The following ATG13 variants were observed in gnomAD, a reference collection of about 807,000 sequenced individuals.
ATG13 encodes the protein autophagy-related protein 13.
Under a neutral mutation model 65.5 loss-of-function variants are expected in ATG13, and 23 were observed. The observed-to-expected ratio is 0.35, with a 90% CI of 0.25 to 0.50. The LOEUF is 0.50. Among genes scored for constraint, ATG13 ranks in the 20% least tolerant of loss-of-function variants. ATG13 has a pLI of 0.98. For missense variants in ATG13, 566 were observed against 677.0 expected, an observed-to-expected ratio of 0.84 and a Z score of 1.82; for synonymous variants, 252 against 245.2, an observed-to-expected ratio of 1.03 and a Z score of -0.26.
chr11:46,623,958 A>G (rs375549543), intron 1 of ATG13, among the ~76,000 whole-genome samples: 9 of 147,882 alleles, frequency 6.1e-5, no homozygotes, highest in African/African-American at 2.2e-4. Flanking sequence ...GATGTTACTT[A>G]TATCTCATGA....
At chr11:46,653,260 C>A (rs2136541408) in intron 7 of ATG13, among the ~76,000 whole-genome samples, 1 of 151,134 alleles carries the variant, frequency 6.6e-6, no homozygotes, top group South Asian at 2.1e-4. Flanking sequence ...GCAACCTCCA[C>A]CTCCTTGGTT....
intron 7 of ATG13, among the ~76,000 whole-genome samples, chr11:46,654,937 A>C (rs1179691249): frequency 6.6e-6 from 1 of 152,028 alleles, no homozygotes; most frequent in African/African-American, 2.4e-5. Flanking sequence ...TGTCTCTACC[A>C]AAAATACAAA....
At chr11:46,625,145 T>G (rs1231419273) in intron 1 of ATG13, among the ~76,000 whole-genome samples, 2 of 146,238 alleles carry the variant, frequency 1.4e-5, no homozygotes, top group Non-Finnish European at 3.0e-5. Flanking sequence ...CTGGGCAACA[T>G]ATCAAGATCG....
At chr11:46,650,041 C>A in intron 6 of ATG13, 136 bp from the exon 7 acceptor site, 2 of 928,508 alleles carry the variant, frequency 2.2e-6, no homozygotes, top group Non-Finnish European at 3.0e-6. Context: ...AAAACATTGG[C>A]TTACCTCAGT....
chr11:46,625,269 C>CTTTTTTTT (rs59095357), intron 1 of ATG13: 49 of 84,378 alleles, frequency 5.8e-4, no homozygotes, highest in African/African-American at 1.2e-3. Flanking sequence ...CTTGCTCTTT[C>CTTTTTTTT]TTTTTTTTTT....
chr11:46,657,449 A>AG, intron 9 of ATG13, 75 bp from the exon 10 acceptor site: 1 of 1,379,242 alleles, frequency 7.3e-7, no homozygotes. Flanking sequence ...ATGTAAGGTG[A>AG]GGGGCCCTCT....
intron 18 of ATG13, among the ~76,000 whole-genome samples, chr11:46,671,491 A>G (rs1331457162): frequency 6.6e-6 from 1 of 152,166 alleles, no homozygotes; most frequent in Non-Finnish European, 1.5e-5. Context: ...TAATCCCAGC[A>G]CTTTGGGAGG....
intron 7 of ATG13, among the ~76,000 whole-genome samples, chr11:46,654,281 TTTTATATATA>T (rs1273032109): frequency 2.3e-4 from 19 of 81,930 alleles, no homozygotes; most frequent in African/African-American, 9.6e-4. Flanking sequence ...ATTTTTAAAA[TTTTATATATA>T]TATATATATA....
chr11:46,649,970 A>G (rs2058569304), intron 6 of ATG13, among the ~76,000 whole-genome samples: 1 of 152,200 alleles, frequency 6.6e-6, no homozygotes, highest in Non-Finnish European at 1.5e-5. Flanking sequence ...CTTTGAAGCT[A>G]GAAAAAATAT....
chr11:46,653,626 A>G (rs916267511), intron 7 of ATG13, among the ~76,000 whole-genome samples: 3 of 150,954 alleles, frequency 2.0e-5, no homozygotes, highest in African/African-American at 7.3e-5. Flanking sequence ...CTGGAGTACA[A>G]TGGCACAATC....
chr11:46,656,353 T>A, intron 8 of ATG13, 80 bp downstream of exon 8: 1 of 1,394,872 alleles, frequency 7.2e-7, no homozygotes. Flanking sequence ...CTACTTGTTA[T>A]AATATGTAGA....
At chr11:46,665,342 G>A in intron 13 of ATG13, 41 bp from the exon 14 acceptor site, 1 of 1,598,126 alleles carries the variant, frequency 6.3e-7, no homozygotes, top group Non-Finnish European at 8.6e-7. Context: ...CTCCTGCCTG[G>A]CATGCCATGA....
intron 2 of ATG13, among the ~76,000 whole-genome samples, chr11:46,631,260 T>C (rs2051639197): frequency 6.6e-6 from 1 of 152,178 alleles, no homozygotes; most frequent in Non-Finnish European, 1.5e-5. Flanking sequence ...GGTGCAATCA[T>C]AGCTCACTGT....
intron 10 of ATG13, among the ~76,000 whole-genome samples, chr11:46,657,904 A>C (rs1446782743): frequency 6.6e-6 from 1 of 152,090 alleles, no homozygotes; most frequent in Non-Finnish European, 1.5e-5. Flanking sequence ...CCCCATCTCT[A>C]CTAAAAATAC....
intron 11 of ATG13, among the ~76,000 whole-genome samples, chr11:46,663,205 G>A (rs1045470954): frequency 7.3e-6 from 1 of 137,228 alleles, no homozygotes; most frequent in Non-Finnish European, 1.5e-5. Context: ...GGTGGACATT[G>A]CAGTGAGCCA....
rs1159523560 is a variant in ATG13, at chr11:46,665,797, C to CTTT, written c.1136+300_1136+302dup. Among the ~76,000 whole-genome samples the CTTT allele has an allele frequency of 2.3e-3, 198 of 87,720 alleles. 1 individual carries two copies. Among genetic ancestry groups the CTTT allele is most frequent in the African/African-American group, 6.2e-3 (126 of 20,232 alleles). 57.5% of individuals were successfully genotyped at this position (87,720 alleles called of 152,430 possible). A position where few individuals can be genotyped will look rare whatever the true frequency, so the allele number is the denominator to read the frequency against. ...TGTCTCTCAAAAAAATTTATTTTTC[C>CTTT]TTTTTTTTTTTTTTTTTTTTTTTTG... On this transcript the variant is annotated intron_variant, in intron 14 of 18. Transcript: ENST00000683050.
At chr11:46,654,282 T>TA (rs200567742) in intron 7 of ATG13, among the ~76,000 whole-genome samples, 21,827 of 124,924 alleles carry the variant, frequency 0.17, 2,176 homozygotes, top group African/African-American at 0.25. Context: ...TTTTTAAAAT[T>TA]TTATATATAT....
chr11:46,656,358 T>A, intron 8 of ATG13, 85 bp downstream of exon 8: 1 of 1,362,740 alleles, frequency 7.3e-7, no homozygotes, highest in Non-Finnish European at 1.0e-6. Flanking sequence ...TGTTATAATA[T>A]GTAGATTGTC....
Position 46,654,283 on chromosome 11 carries a change from T to TATATATATATATATA in ATG13, c.459-1950_459-1949insATATATATATATATA, listed in dbSNP as rs1555105175. ...CCTCATCACTACTATTTTTAAAATT[T>TATATATATATATATA]TATATATATATATATATATATATAT... On this transcript the variant is annotated intron_variant, in intron 7 of 18. Transcript: ENST00000683050. Among the ~76,000 whole-genome samples the TATATATATATATATA allele has an allele frequency of 3.6e-4, 44 of 122,306 alleles. 2 individuals are homozygous for TATATATATATATATA. The highest frequency in any genetic ancestry group is 1.4e-3 in the African/African-American group (42 of 29,218). 80.2% of individuals were successfully genotyped at this position (122,306 alleles called of 152,430 possible).
Sources: allele counts gnomAD v4.1 joint callset (sites outside exome capture counted in the v4.1 genomes callset), GRCh38; gene constraint gnomAD v4.1.1; transcripts MANE v1.5; gene names NCBI Gene and HGNC (gene_info 2026-07-23, HGNC 2026-07-21).